CAMK2G: variants seen among roughly 807,000 people sequenced by gnomAD.
The protein encoded by CAMK2G is calcium/calmodulin-dependent protein kinase type II subunit gamma.
A neutral mutation model predicts 88.7 loss-of-function variants in CAMK2G; 23 were observed. That is an observed-to-expected ratio of 0.26 (90% confidence interval 0.19 to 0.37). The LOEUF is 0.37. Ranked by LOEUF, CAMK2G falls within the 10% of genes least tolerant of loss-of-function variation. The probability of loss-of-function intolerance (pLI) is 1.00; values close to 1 mark genes in which losing one functional copy is unlikely to be tolerated. For missense variants in CAMK2G, 476 were observed against 780.8 expected, an observed-to-expected ratio of 0.61 and a Z score of 4.65; for synonymous variants, 263 against 294.8, an observed-to-expected ratio of 0.89 and a Z score of 1.11.
At chr10:73,837,286 T>C (rs2093341912) in intron 14 of CAMK2G, 182 bp downstream of exon 14, 1 of 678,786 alleles carries the variant, frequency 1.5e-6, no homozygotes, top group Non-Finnish European at 2.7e-6. Flanking sequence ...CCAGGAAAAA[T>C]ACCTCCCTAC....
chr10:73,838,441 G>A (rs543348939), intron 13 of CAMK2G, among the ~76,000 whole-genome samples: 1 of 152,224 alleles, frequency 6.6e-6, no homozygotes, highest in South Asian at 2.1e-4. Context: ...GATAAAGTAG[G>A]GCTGACATCA....
Position 73,835,582 on chromosome 10 carries a change from G to A in CAMK2G, c.1053+1886C>T, listed in dbSNP as rs555340413. 9.4e-5 allele frequency among the ~76,000 whole-genome samples: 14 copies of A among 148,932 alleles called. No individual in the cohort carries two copies. The East Asian group carries it at 1.6e-3, about 17-fold the overall frequency. ...CTGGGATTACAGGAGTGAAGCCACC[G>A]CACCCGGCTTGCCAAATCATTTCTA... is the stretch of plus-strand genomic sequence containing the variant. On this transcript the variant is annotated intron_variant, in intron 14 of 22. Coordinates refer to ENST00000423381, the MANE Select transcript of CAMK2G (RefSeq NM_001367534.1).
In CAMK2G at chr10:73,839,735, G is replaced by A. The variant is rs2093614422; in HGVS notation, c.947-134C>T. The A allele has an allele frequency of 4.4e-6, 2 of 453,606 alleles. No homozygotes were observed. Among genetic ancestry groups the A allele is most frequent in the Non-Finnish European group, 7.2e-6 (2 of 278,282 alleles). The allele number at this position is 453,606 out of a possible 1,614,324, so 28.1% of individuals were successfully genotyped here. On this transcript the variant is annotated intron_variant, in intron 12 of 22. Transcript: ENST00000423381. This position sits in a 1 kb window ranked among gnomAD's most constrained non-coding sequence, Gnocchi z 4.2. ...CCGAGCTGGGGGAGCGGAGCGCCAG[G>A]GGCAGGCTGAGGAGGTAGGCGCAGC...
intron 21 of CAMK2G, 127 bp from the exon 22 acceptor site, chr10:73,815,374 C>CCG (rs1554985752): frequency 9.1e-6 from 6 of 656,530 alleles, no homozygotes; most frequent in Non-Finnish European, 1.1e-5. Context: ...GTACCGCCCC[C>CCG]CCCCACCCCC....
intron 6 of CAMK2G, 26 bp from the exon 7 acceptor site, chr10:73,849,141 G>T: frequency 6.3e-7 from 1 of 1,596,768 alleles, no homozygotes; most frequent in Non-Finnish European, 8.6e-7. Flanking sequence ...AGAGAACCTT[G>T]TGAGCACCCA....
Position 73,848,470 on chromosome 10 carries a change from C to T in CAMK2G, c.601+56G>A. The T allele has an allele frequency of 9.1e-7, 1 of 1,098,376 alleles. No homozygotes were observed. The highest frequency in any genetic ancestry group is 1.3e-5 in the South Asian group (1 of 78,590). 68.0% of individuals were successfully genotyped at this position (1,098,376 alleles called of 1,614,324 possible). Reference sequence around the variant, plus strand: ...AATAGCGATGCCTCTTTCTTGCCATCATCGGAAGTTGAGGGCCCTTAACAG... The same window carrying T: ...AATAGCGATGCCTCTTTCTTGCCATTATCGGAAGTTGAGGGCCCTTAACAG... On this transcript the variant is annotated intron_variant, in intron 8 of 22. Coordinates refer to ENST00000423381, the MANE Select transcript of CAMK2G (RefSeq NM_001367534.1). The surrounding 1 kb of genome is among the most constrained non-coding windows in gnomAD (Gnocchi z 4.5).
At chr10:73,869,561 G>C (rs942807140) in intron 2 of CAMK2G, among the ~76,000 whole-genome samples, 5 of 152,186 alleles carry the variant, frequency 3.3e-5, no homozygotes, top group African/African-American at 1.2e-4. Flanking sequence ...AAAGCCAAAA[G>C]GCAACCATGA....
Position 73,848,491 on chromosome 10 carries a change from A to G in CAMK2G, c.601+35T>C, listed in dbSNP as rs2094406033. The stretch of plus-strand genomic sequence containing the variant: ...CCATCATCGGAAGTTGAGGGCCCTT[A>G]ACAGCGAAAAGCTGAGAGCGTGGAA... On this transcript the variant is annotated intron_variant, in intron 8 of 22. Transcript: ENST00000423381. This position sits in a 1 kb window ranked among gnomAD's most constrained non-coding sequence, Gnocchi z 4.5. 1 of 1,422,752 alleles carries G rather than the reference A, an allele frequency of 7.0e-7. No individual in the cohort carries two copies. Among genetic ancestry groups the G allele is most frequent in the South Asian group, 1.2e-5 (1 of 86,186 alleles). The allele number at this position is 1,422,752 out of a possible 1,614,324, so 88.1% of individuals were successfully genotyped here. A position where few individuals can be genotyped will look rare whatever the true frequency, so the allele number is the denominator to read the frequency against.
At chr10:73,819,041 T>C in intron 19 of CAMK2G, 1 of 356,354 alleles carries the variant, frequency 2.8e-6, no homozygotes, top group South Asian at 2.1e-5. Context: ...CTCTGGGAGG[T>C]TAAACTTCAC....
At chr10:73,866,842 C>T (rs2095614484) in intron 2 of CAMK2G, among the ~76,000 whole-genome samples, 1 of 152,224 alleles carries the variant, frequency 6.6e-6, no homozygotes, top group African/African-American at 2.4e-5. Context: ...CCACCTTCCC[C>T]AGCTGCTTAT....
At chr10:73,826,709 G>T (rs781076352) in intron 15 of CAMK2G, among the ~76,000 whole-genome samples, 12 of 152,214 alleles carry the variant, frequency 7.9e-5, no homozygotes, top group Non-Finnish European at 1.3e-4. Context: ...ACAGGGCACA[G>T]ATGATACATC....
At chr10:73,866,480 A>C (rs2095599178) in intron 2 of CAMK2G, among the ~76,000 whole-genome samples, 1 of 152,120 alleles carries the variant, frequency 6.6e-6, no homozygotes, top group Admixed American at 6.5e-5. Flanking sequence ...AAAAAACACA[A>C]ATGCCAGCAC....
chr10:73,833,159 C>G (rs2092725123), intron 14 of CAMK2G, among the ~76,000 whole-genome samples: 1 of 150,422 alleles, frequency 6.6e-6, no homozygotes, highest in Non-Finnish European at 1.5e-5. Context: ...GATGGGGTCT[C>G]ACTACGTTTC....
chr10:73,848,569 C>T lies in CAMK2G; in HGVS notation c.558G>A (p.Leu186=), dbSNP rs2134837421. 6.2e-7 allele frequency: 1 copy of T among 1,612,906 alleles called. No homozygotes were observed. The highest frequency in any genetic ancestry group is 1.3e-5 in the African/African-American group (1 of 75,044). The change falls in exon 8 of 23, where the codon TTG becomes TTA. Residue 186 remains leucine, a synonymous_variant. Coordinates refer to ENST00000423381, the MANE Select transcript of CAMK2G (RefSeq NM_001367534.1). This position sits in a 1 kb window ranked among gnomAD's most constrained non-coding sequence, Gnocchi z 4.5. ...GTPGYLSPEV[L]RKDPYGKPVD... ...CAGGTTTTCCATAGGGATCTTTCCTCAAGACCTCAGGGGACAAGTAACCTG... is the reference window on the plus strand; with the variant it reads ...CAGGTTTTCCATAGGGATCTTTCCTTAAGACCTCAGGGGACAAGTAACCTG...
intron 15 of CAMK2G, among the ~76,000 whole-genome samples, chr10:73,827,520 C>A (rs1341805686): frequency 6.6e-6 from 1 of 152,200 alleles, no homozygotes; most frequent in Non-Finnish European, 1.5e-5. Flanking sequence ...ATGACTCAGG[C>A]TGCTGTGTTG....
chr10:73,819,190 T>C (rs3843939), intron 19 of CAMK2G, among the ~76,000 whole-genome samples: 20,513 of 152,034 alleles, frequency 0.13, 1,463 homozygotes, highest in South Asian at 0.19. Context: ...TTCCCCATCA[T>C]CCCACTCCCA....
At chr10:73,830,519 C>T (rs1483793475) in intron 14 of CAMK2G, among the ~76,000 whole-genome samples, 1 of 152,210 alleles carries the variant, frequency 6.6e-6, no homozygotes, top group African/African-American at 2.4e-5. Flanking sequence ...GCTGGAAAAG[C>T]GTTCAAACCT....
At chr10:73,858,612 G>C (rs1371011353) in intron 3 of CAMK2G, among the ~76,000 whole-genome samples, 3 of 152,122 alleles carry the variant, frequency 2.0e-5, no homozygotes, top group African/African-American at 7.2e-5. Context: ...TCATGAAATG[G>C]AAGCACAGTT....
chr10:73,849,512 G>C (rs905047409), intron 5 of CAMK2G, among the ~76,000 whole-genome samples, 179 bp from the exon 6 acceptor site: 1 of 152,196 alleles, frequency 6.6e-6, no homozygotes, highest in African/African-American at 2.4e-5. Context: ...TTTAAAGAAA[G>C]AGGAAACCGA....
Sources: gnomAD v4.1 joint callset for allele counts (sites outside exome capture counted in the v4.1 genomes callset) on GRCh38, gnomAD v4.1.1 for gene constraint, Gnocchi (gnomAD v3.1) non-coding constraint, MANE v1.5 for transcripts, NCBI Gene and HGNC (gene_info 2026-07-23, HGNC 2026-07-21) for gene names.